MAN2A1: variants seen among roughly 807,000 people sequenced by gnomAD.
The protein encoded by MAN2A1 is mannosidase alpha class 2A member 1.
In MAN2A1, 76 loss-of-function variants were observed where a neutral mutation model predicts 142.6. The ratio of observed to expected loss-of-function variants is 0.53; its 90% CI spans 0.44 to 0.65. MAN2A1 has a LOEUF of 0.65. Among genes scored for constraint, MAN2A1 ranks in the 30% least tolerant of loss-of-function variants. MAN2A1 has a pLI of 0.00. For synonymous variants in MAN2A1, 559 were observed against 473.2 expected, an observed-to-expected ratio of 1.18 and a Z score of -2.35; for missense variants, 1,311 against 1,365.1, an observed-to-expected ratio of 0.96 and a Z score of 0.62.
intron 5 of MAN2A1, among the ~76,000 whole-genome samples, chr5:109,759,411 A>T (rs1018442042): frequency 6.6e-6 from 1 of 152,154 alleles, no homozygotes; most frequent in Non-Finnish European, 1.5e-5. Context: ...TAGTGATCTT[A>T]TATCCTGTCA....
chr5:109,797,525 A>G (rs1232540577), intron 12 of MAN2A1, among the ~76,000 whole-genome samples: 1 of 152,206 alleles, frequency 6.6e-6, no homozygotes, highest in Non-Finnish European at 1.5e-5. Flanking sequence ...GAATGTAGAC[A>G]AAAGGAAGAC....
intron 10 of MAN2A1, among the ~76,000 whole-genome samples, chr5:109,786,366 A>G (rs1753595628): frequency 6.6e-6 from 1 of 151,972 alleles, no homozygotes; most frequent in African/African-American, 2.4e-5. Context: ...ATTTTCCTAC[A>G]CCGCCCACTT....
intron 3 of MAN2A1, among the ~76,000 whole-genome samples, chr5:109,720,161 A>T (rs1008024959): frequency 1.3e-5 from 2 of 152,172 alleles, no homozygotes; most frequent in African/African-American, 4.8e-5. Flanking sequence ...GTGTGTGGAG[A>T]GAAGATAAGG....
intron 5 of MAN2A1, among the ~76,000 whole-genome samples, chr5:109,762,085 C>A (rs1752858693): frequency 6.6e-6 from 1 of 152,028 alleles, no homozygotes; most frequent in African/African-American, 2.4e-5. Context: ...AACATTATAG[C>A]ATTCTGGACT....
intron 19 of MAN2A1, 49 bp downstream of exon 19, chr5:109,847,839 C>T: frequency 7.5e-7 from 1 of 1,335,072 alleles, no homozygotes; most frequent in Non-Finnish European, 9.8e-7. Flanking sequence ...TCTTTGTCAC[C>T]CAAAACTTGA....
intron 3 of MAN2A1, among the ~76,000 whole-genome samples, chr5:109,721,049 C>G (rs1751589060): frequency 6.6e-6 from 1 of 152,040 alleles, no homozygotes; most frequent in South Asian, 2.1e-4. Flanking sequence ...AGGGGAGTTG[C>G]AGGTCTTTGT....
rs1314978508 is a variant in MAN2A1 at position 109,817,442 on chromosome 5, T to A, written c.2109+4T>A. On this transcript the variant is annotated splice_donor_region_variant and intron_variant, in intron 13 of 21. Transcript: ENST00000261483. ...TATTTCAGAAACAGCCTATGAGGTA[T>A]GTTGTAGCCATAGAACTTAAGGAGG... is the stretch of plus-strand genomic sequence containing the variant. The A allele has an allele frequency of 1.9e-6, 3 of 1,613,626 alleles. No individual in the cohort carries two copies. The highest frequency in any genetic ancestry group is 4.5e-5 in the East Asian group (2 of 44,844).
chr5:109,801,079 A>G (rs755575720), intron 12 of MAN2A1, among the ~76,000 whole-genome samples: 21 of 152,184 alleles, frequency 1.4e-4, no homozygotes, highest in Non-Finnish European at 2.4e-4. Context: ...ACTGAACTGC[A>G]TACAACAGAA....
At chr5:109,817,466 G>T (rs1407481842) in intron 13 of MAN2A1, 28 bp downstream of exon 13, 10 of 1,610,138 alleles carry the variant, frequency 6.2e-6, no homozygotes, top group Non-Finnish European at 7.6e-6. Context: ...AACTTAAGGA[G>T]GCATTGTAAA....
intron 4 of MAN2A1, among the ~76,000 whole-genome samples, chr5:109,735,568 T>C (rs1310218272): frequency 6.6e-6 from 1 of 152,102 alleles, no homozygotes; most frequent in Non-Finnish European, 1.5e-5. Context: ...TGGCACTCTC[T>C]AGTGAGATGA....
At chr5:109,775,552 C>G (rs1299144768) in intron 8 of MAN2A1, among the ~76,000 whole-genome samples, 1 of 151,912 alleles carries the variant, frequency 6.6e-6, no homozygotes, top group Non-Finnish European at 1.5e-5. Context: ...TTCCCCTTCT[C>G]CCCATATCCA....
chr5:109,760,786 T>C (rs1481901444), intron 5 of MAN2A1, among the ~76,000 whole-genome samples: 3 of 152,180 alleles, frequency 2.0e-5, no homozygotes, highest in African/African-American at 4.8e-5. Flanking sequence ...TTTTGAGAAG[T>C]GTCTGTTCAT....
intron 4 of MAN2A1, among the ~76,000 whole-genome samples, chr5:109,738,829 T>C (rs1408895916): frequency 6.6e-6 from 1 of 152,056 alleles, no homozygotes; most frequent in Admixed American, 6.6e-5. Context: ...TCTTCTATAA[T>C]GGGAGACTTT....
rs572537971 is a variant in MAN2A1, at chr5:109,705,688, C to A, written c.136-7832C>A. 2.0e-5 allele frequency among the ~76,000 whole-genome samples: 3 copies of A among 152,326 alleles called. 1 individual carries two copies. Among genetic ancestry groups the A allele is most frequent in the Admixed American group, 2.0e-4 (3 of 15,306 alleles). ...AAGAAAAATGTGTTATCATACAGAT[C>A]TTTAGGTCAGAAGTCTGAAACAGGC... On this transcript the variant is annotated intron_variant, in intron 1 of 21. Transcript: ENST00000261483.
chr5:109,790,734 C>G (rs866347629), intron 12 of MAN2A1, among the ~76,000 whole-genome samples: 32 of 151,998 alleles, frequency 2.1e-4, no homozygotes, highest in African/African-American at 7.5e-4. Flanking sequence ...GTTCTCTCAT[C>G]TATTAACTTT....
intron 1 of MAN2A1, 41 bp from the exon 2 acceptor site, chr5:109,713,479 A>G: frequency 6.5e-7 from 1 of 1,537,288 alleles, no homozygotes; most frequent in Non-Finnish European, 8.7e-7. Flanking sequence ...GCAGATCTAT[A>G]TTAGTATTTC....
intron 7 of MAN2A1, 57 bp from the exon 8 acceptor site, chr5:109,774,731 C>A: frequency 2.3e-6 from 3 of 1,295,296 alleles, no homozygotes; most frequent in South Asian, 1.4e-5. Context: ...TTGTCACATT[C>A]ACTTTTTCTT....
chr5:109,762,520 A>G (rs1323346179), intron 5 of MAN2A1, among the ~76,000 whole-genome samples: 1 of 152,016 alleles, frequency 6.6e-6, no homozygotes, highest in East Asian at 1.9e-4. Flanking sequence ...CATCCATCTC[A>G]CTCATCCTGT....
intron 16 of MAN2A1, among the ~76,000 whole-genome samples, chr5:109,837,444 C>T (rs1000343899): frequency 3.3e-5 from 5 of 152,080 alleles, no homozygotes; most frequent in African/African-American, 1.2e-4. Context: ...CCTCTCCCAG[C>T]CCTTGGTCCC....
Sources: allele counts gnomAD v4.1 joint callset (sites outside exome capture counted in the v4.1 genomes callset), GRCh38; gene constraint gnomAD v4.1.1; transcripts MANE v1.5; gene names NCBI Gene and HGNC (gene_info 2026-07-23, HGNC 2026-07-21).